Variants in PDE4D observed in about 807,000 individuals in gnomAD.
PDE4D encodes phosphodiesterase 4D.
In PDE4D, 24 loss-of-function variants were observed where a neutral mutation model predicts 87.4. That is an observed-to-expected ratio of 0.27 (90% CI 0.20 to 0.39). The LOEUF (loss-of-function observed/expected upper bound fraction) is 0.39. PDE4D is among the 10% of genes least tolerant of loss of function. The pLI is 1.00. For missense variants in PDE4D, 714 were observed against 1,041.0 expected (o/e 0.69, Z 4.32); for synonymous variants, 384 against 383.2 (o/e 1.00, Z -0.02).
intron 2 of PDE4D, among the ~76,000 whole-genome samples, chr5:60,040,404 G>A (rs1024126627): frequency 6.6e-6 from 1 of 152,138 alleles, no homozygotes; most frequent in African/African-American, 2.4e-5. Context: ...ATGCTGATGA[G>A]CCTCCAGGTT....
chr5:59,988,382 G>A, intron 3 of PDE4D: 3 of 607,346 alleles, frequency 4.9e-6, no homozygotes, highest in Non-Finnish European at 8.3e-6. Flanking sequence ...AAACCCCATT[G>A]TTCTCCCACT....
intron 1 of PDE4D, among the ~76,000 whole-genome samples, chr5:59,512,015 A>C (rs1810359234): frequency 6.6e-6 from 1 of 152,174 alleles, no homozygotes; most frequent in African/African-American, 2.4e-5. Context: ...AACATAAACA[A>C]AACATAACAC....
intron 2 of PDE4D, among the ~76,000 whole-genome samples, chr5:60,151,184 ATAGAG>A (rs1426716363): frequency 6.6e-6 from 1 of 152,194 alleles, no homozygotes; most frequent in African/African-American, 2.4e-5. Flanking sequence ...ATAATTAAAC[ATAGAG>A]TAAACAAAAA....
At chr5:59,539,764 T>C (rs1419484899) in intron 1 of PDE4D, among the ~76,000 whole-genome samples, 1 of 152,076 alleles carries the variant, frequency 6.6e-6, no homozygotes, top group Admixed American at 6.6e-5. Context: ...ATAACAAAAC[T>C]AAATAAAAGT....
intron 5 of PDE4D, among the ~76,000 whole-genome samples, chr5:59,064,824 T>C (rs181506975): frequency 6.6e-6 from 1 of 152,168 alleles, no homozygotes; most frequent in Non-Finnish European, 1.5e-5. Flanking sequence ...TTCCAACAAA[T>C]AGCCTGACTT....
At chr5:60,274,783 A>G (rs1425150331) in intron 1 of PDE4D, among the ~76,000 whole-genome samples, 1 of 152,216 alleles carries the variant, frequency 6.6e-6, no homozygotes, top group Non-Finnish European at 1.5e-5. Flanking sequence ...CCATAAAGCT[A>G]TCTAGACCAG....
chr5:59,073,508 G>A (rs529597166), intron 5 of PDE4D, among the ~76,000 whole-genome samples: 15 of 74,212 alleles, frequency 2.0e-4, no homozygotes, highest in Non-Finnish European at 3.1e-4. Context: ...AGTGGGGGGC[G>A]GGGGGGGCGG....
At chr5:59,289,440 T>C (rs1767590174) in intron 1 of PDE4D, among the ~76,000 whole-genome samples, 1 of 151,908 alleles carries the variant, frequency 6.6e-6, no homozygotes, top group Non-Finnish European at 1.5e-5. Flanking sequence ...ACAAAAACCA[T>C]ATGACCATTT....
At chr5:60,159,805 C>G (rs184444224) in intron 2 of PDE4D, among the ~76,000 whole-genome samples, 1 of 152,250 alleles carries the variant, frequency 6.6e-6, no homozygotes, top group Admixed American at 6.5e-5. Context: ...TCTTAGAAAT[C>G]AAGGAATGAG....
chr5:60,332,425 T>C (rs984336594), intron 1 of PDE4D, among the ~76,000 whole-genome samples: 3 of 152,174 alleles, frequency 2.0e-5, no homozygotes, highest in Non-Finnish European at 2.9e-5. Context: ...CACTAATAAG[T>C]GAAAAGATGG....
At chr5:60,249,008 C>T (rs1748122500) in intron 1 of PDE4D, among the ~76,000 whole-genome samples, 2 of 152,006 alleles carry the variant, frequency 1.3e-5, no homozygotes, top group African/African-American at 4.8e-5. Context: ...CCTTCTGTTT[C>T]TTGCCAAAGA....
At chr5:59,138,639 G>A (rs1777472192) in intron 5 of PDE4D, among the ~76,000 whole-genome samples, 1 of 152,160 alleles carries the variant, frequency 6.6e-6, no homozygotes, top group African/African-American at 2.4e-5. Context: ...GCCATGTAGT[G>A]GGTGGGTGTG....
chr5:60,510,834 G>A (rs1036794955), intron 1 of PDE4D, among the ~76,000 whole-genome samples: 1 of 152,206 alleles, frequency 6.6e-6, no homozygotes. Flanking sequence ...ACCCAGACAA[G>A]TGATACTGTG....
intron 1 of PDE4D, among the ~76,000 whole-genome samples, chr5:59,446,438 G>T (rs1798363215): frequency 6.6e-6 from 1 of 152,156 alleles, no homozygotes; most frequent in South Asian, 2.1e-4. Context: ...CTTCCAGTGT[G>T]CATAAGAAAA....
intron 2 of PDE4D, among the ~76,000 whole-genome samples, chr5:59,200,263 A>G (rs1286544797): frequency 9.0e-6 from 1 of 111,062 alleles, no homozygotes; most frequent in African/African-American, 4.7e-5. Flanking sequence ...GTATACATAC[A>G]TATGTGTATG....
intron 2 of PDE4D, among the ~76,000 whole-genome samples, chr5:59,205,257 G>A (rs1471683631): frequency 2.0e-5 from 3 of 151,914 alleles, no homozygotes; most frequent in Non-Finnish European, 4.4e-5. Flanking sequence ...CTGAGATTAT[G>A]CTCTTTCTTT....
intron 5 of PDE4D, among the ~76,000 whole-genome samples, chr5:59,125,607 T>A (rs1451095497): frequency 6.6e-6 from 1 of 152,072 alleles, no homozygotes; most frequent in African/African-American, 2.4e-5. Flanking sequence ...GGAAGGGATA[T>A]CTTGGGGGAC....
At chr5:60,430,535 G>GTTTT (rs367558098) in intron 1 of PDE4D, among the ~76,000 whole-genome samples, 1 of 128,104 alleles carries the variant, frequency 7.8e-6, no homozygotes, top group Non-Finnish European at 1.7e-5. Flanking sequence ...TTTGTGTTTT[G>GTTTT]TTTTTTTTTG....
At chr5:59,149,510 G>A (rs1399745987) in intron 5 of PDE4D, among the ~76,000 whole-genome samples, 2 of 152,048 alleles carry the variant, frequency 1.3e-5, no homozygotes, top group African/African-American at 4.8e-5. Flanking sequence ...GGGATTTCAG[G>A]CACAAGTTAC....
Sources: allele counts gnomAD v4.1 joint callset (sites outside exome capture counted in the v4.1 genomes callset), GRCh38; gene constraint gnomAD v4.1.1; transcripts MANE v1.5; gene names NCBI Gene and HGNC (gene_info 2026-07-23, HGNC 2026-07-21).